ZMIZ1: variants seen among roughly 807,000 people sequenced by gnomAD.
ZMIZ1 encodes the protein zinc finger MIZ domain-containing protein 1.
In ZMIZ1, 17 loss-of-function variants were observed where a neutral mutation model predicts 113.9. That is an observed-to-expected ratio of 0.15 (90% CI 0.10 to 0.22). The LOEUF is 0.22. Among genes scored for constraint, ZMIZ1 ranks in the 10% least tolerant of loss-of-function variants. The pLI is 1.00. For synonymous variants in ZMIZ1, 607 were observed against 603.1 expected (o/e 1.01, Z -0.09); for missense variants, 1,059 against 1,477.8 (o/e 0.72, Z 4.65).
At chr10:79,199,125 G>A (rs1355486004) in intron 4 of ZMIZ1, among the ~76,000 whole-genome samples, 1 of 152,050 alleles carries the variant, frequency 6.6e-6, no homozygotes, top group African/African-American at 2.4e-5. Flanking sequence ...GAGGGCTCAA[G>A]CCTTAGAACA....
intron 4 of ZMIZ1, among the ~76,000 whole-genome samples, chr10:79,193,387 G>T (rs1407816190): frequency 6.6e-6 from 1 of 152,178 alleles, no homozygotes; most frequent in East Asian, 1.9e-4. Context: ...AGAAGTACAT[G>T]TATCTCTCTT....
intron 1 of ZMIZ1, among the ~76,000 whole-genome samples, chr10:79,102,307 AT>A (rs1337722911): frequency 6.6e-6 from 1 of 152,196 alleles, no homozygotes; most frequent in African/African-American, 2.4e-5. Context: ...AAACACGGTT[AT>A]TTTTAGCCTT....
At chr10:79,173,570 T>C (rs1333110417) in intron 4 of ZMIZ1, among the ~76,000 whole-genome samples, 5 of 152,100 alleles carry the variant, frequency 3.3e-5, no homozygotes, top group Admixed American at 3.3e-4. Flanking sequence ...AGAATATACC[T>C]TGATCAACAG....
chr10:79,158,643 G>A (rs184936617), intron 3 of ZMIZ1, among the ~76,000 whole-genome samples: 4 of 152,202 alleles, frequency 2.6e-5, no homozygotes, highest in African/African-American at 9.6e-5. Context: ...GACTGATCCT[G>A]CATCTCTCTG....
chr10:79,282,176 C>T lies in ZMIZ1; in HGVS notation c.425+4851C>T, dbSNP rs188900464. Among the ~76,000 whole-genome samples, 1,340 of 152,312 alleles carry T rather than the reference C, an allele frequency of 8.8e-3. 18 individuals carry two copies. Among genetic ancestry groups the T allele is most frequent in the Admixed American group, 0.029 (438 of 15,302 alleles). On this transcript the variant is annotated intron_variant, in intron 8 of 24. Transcript: ENST00000334512. ...CTCATAAGTCCTCAGTGCAATTTCC[C>T]AAACAAGACGGAAAGAAAATGGAAG...
chr10:79,193,481 C>A (rs1369586613), intron 4 of ZMIZ1, among the ~76,000 whole-genome samples: 1 of 152,176 alleles, frequency 6.6e-6, no homozygotes, highest in Non-Finnish European at 1.5e-5. Context: ...TTTCAGCTCT[C>A]ACCACCCTGG....
At chr10:79,214,138 T>C (rs1848628042) in intron 6 of ZMIZ1, among the ~76,000 whole-genome samples, 1 of 152,180 alleles carries the variant, frequency 6.6e-6, no homozygotes, top group Non-Finnish European at 1.5e-5. Flanking sequence ...AGAGTCTGCC[T>C]GCAGACTTGA....
chr10:79,149,633 T>A (rs1845630576), intron 3 of ZMIZ1, among the ~76,000 whole-genome samples: 1 of 152,216 alleles, frequency 6.6e-6, no homozygotes, highest in Non-Finnish European at 1.5e-5. Context: ...CTCTAGGCGC[T>A]GTGCCTGTGG....
chr10:79,093,412 T>C (rs938960972), intron 1 of ZMIZ1, among the ~76,000 whole-genome samples: 12 of 151,976 alleles, frequency 7.9e-5, no homozygotes, highest in Non-Finnish European at 1.6e-4. Flanking sequence ...ACTGCAATCC[T>C]GCCTCCTGGG....
At chr10:79,302,313 C>G (rs1854357609) in intron 18 of ZMIZ1, 101 bp downstream of exon 18, 1 of 1,211,818 alleles carries the variant, frequency 8.3e-7, no homozygotes, top group South Asian at 1.3e-5. Context: ...CCTTTGCCTC[C>G]GTGCATGTCA....
At chr10:79,238,655 C>T (rs1849691833) in intron 7 of ZMIZ1, among the ~76,000 whole-genome samples, 1 of 152,196 alleles carries the variant, frequency 6.6e-6, no homozygotes, top group Non-Finnish European at 1.5e-5. Context: ...AGGTCACCTT[C>T]CTTCTCTGGA....
At chr10:79,175,042 T>G (rs965076239) in intron 4 of ZMIZ1, among the ~76,000 whole-genome samples, 26 of 152,206 alleles carry the variant, frequency 1.7e-4, no homozygotes, top group African/African-American at 5.8e-4. Flanking sequence ...AGAGCCAATG[T>G]GTACCTTCCA....
chr10:79,165,809 G>A (rs896140601), intron 4 of ZMIZ1, among the ~76,000 whole-genome samples: 11 of 152,336 alleles, frequency 7.2e-5, no homozygotes, highest in Non-Finnish European at 1.3e-4. Context: ...CCTCTGGCCT[G>A]AAGTCTCTGG....
intron 7 of ZMIZ1, among the ~76,000 whole-genome samples, chr10:79,267,510 C>T (rs1207744745): frequency 6.6e-6 from 1 of 152,192 alleles, no homozygotes; most frequent in Non-Finnish European, 1.5e-5. Flanking sequence ...ACTTAATCCT[C>T]ATGGTAATTT....
At chr10:79,122,553 C>T (rs1456182718) in intron 2 of ZMIZ1, among the ~76,000 whole-genome samples, 1 of 152,158 alleles carries the variant, frequency 6.6e-6, no homozygotes, top group Non-Finnish European at 1.5e-5. Context: ...AGACTCACTC[C>T]TGCAGGTTAG....
At position 79,200,486 on chromosome 10, in the gene ZMIZ1, C is replaced by T. The variant is rs182100601; in HGVS notation, c.-49-1098C>T. ...GGAAGTCCCATTCATGCTAATGGCC[C>T]TGAGCACTCCCTTCTCCTGCACTTC... On this transcript the variant is annotated intron_variant, in intron 4 of 24. Transcript: ENST00000334512. Among the ~76,000 whole-genome samples, 684 of 152,346 alleles carry T rather than the reference C, an allele frequency of 4.5e-3. 4 individuals are homozygous for T. The highest frequency in any genetic ancestry group is 0.015 in the African/African-American group (612 of 41,582).
chr10:79,312,818 C>T lies in ZMIZ1; in HGVS notation c.*69C>T, dbSNP rs1855284696. Reference sequence around the variant, plus strand: ...CCCACCTACCCAACACACTTTTCCACCTGGGAGCCTGTGCCCTCAGACCGC... The same window carrying T: ...CCCACCTACCCAACACACTTTTCCATCTGGGAGCCTGTGCCCTCAGACCGC... On this transcript the variant is annotated 3_prime_UTR_variant, in exon 25 of 25. Transcript: ENST00000334512. 6.7e-7 allele frequency: 1 copy of T among 1,499,846 alleles called. No homozygotes were observed. Among genetic ancestry groups the T allele is most frequent in the Non-Finnish European group, 9.2e-7 (1 of 1,081,380 alleles). The allele number at this position is 1,499,846 out of a possible 1,614,324, so 92.9% of individuals were successfully genotyped here. A position where few individuals can be genotyped will look rare whatever the true frequency, so the allele number is the denominator to read the frequency against.
intron 2 of ZMIZ1, among the ~76,000 whole-genome samples, chr10:79,125,424 G>A (rs7895162): frequency 0.064 from 9,763 of 152,260 alleles, 1,019 homozygotes; most frequent in African/African-American, 0.22. Flanking sequence ...GCCGTCCCAG[G>A]GTCCTGGACA....
At chr10:79,079,166 G>T (rs1201676722) in intron 1 of ZMIZ1, among the ~76,000 whole-genome samples, 1 of 152,174 alleles carries the variant, frequency 6.6e-6, no homozygotes, top group African/African-American at 2.4e-5. Context: ...TTTGTGGTTG[G>T]GCAGTCCCAA....
Sources: allele counts gnomAD v4.1 joint callset (sites outside exome capture counted in the v4.1 genomes callset), GRCh38; gene constraint gnomAD v4.1.1; transcripts MANE v1.5; gene names NCBI Gene and HGNC (gene_info 2026-07-23, HGNC 2026-07-21).